RGL1: variants seen among roughly 807,000 people sequenced by gnomAD.
The protein encoded by RGL1 is ral guanine nucleotide dissociation stimulator like 1, also known as ral guanine nucleotide dissociation stimulator-like 1.
A neutral mutation model predicts 95.2 loss-of-function variants in RGL1; 24 were observed. The ratio of observed to expected loss-of-function variants is 0.25; its 90% CI spans 0.18 to 0.35. The LOEUF (loss-of-function observed/expected upper bound fraction) is 0.35, where lower values mean the gene tolerates loss of function less well. RGL1 is among the 10% of genes least tolerant of loss of function. The probability of loss-of-function intolerance (pLI) is 1.00; values close to 1 mark genes in which losing one functional copy is unlikely to be tolerated. For synonymous variants in RGL1, 329 were observed against 344.9 expected, an observed-to-expected ratio of 0.95 and a Z score of 0.51; for missense variants, 715 against 936.3, an observed-to-expected ratio of 0.76 and a Z score of 3.08.
At chr1:183,879,547 T>G (rs1417348362) in intron 4 of RGL1, among the ~76,000 whole-genome samples, 2 of 152,192 alleles carry the variant, frequency 1.3e-5, no homozygotes, top group Non-Finnish European at 2.9e-5. Context: ...AGATGAGGTG[T>G]TGTGTCTCTG....
intron 16 of RGL1, among the ~76,000 whole-genome samples, chr1:183,921,256 A>G (rs1364971011): frequency 6.6e-6 from 1 of 152,182 alleles, no homozygotes. Flanking sequence ...TTGAAGCATA[A>G]TTTGCATGTA....
upstream of RGL1, among the ~76,000 whole-genome samples, chr1:183,802,204 T>C (rs1219308920): frequency 3.9e-5 from 6 of 152,190 alleles, no homozygotes; most frequent in Non-Finnish European, 8.8e-5. Flanking sequence ...ATCTTTTCCT[T>C]GTTGTATATT....
intron 2 of RGL1, among the ~76,000 whole-genome samples, chr1:183,795,552 G>T (rs1660655352): frequency 6.6e-6 from 1 of 152,206 alleles, no homozygotes; most frequent in Non-Finnish European, 1.5e-5. Flanking sequence ...AAAGAAGACT[G>T]GGGTGGCTGG....
chr1:183,743,618 AAG>A (rs1657447393), intron 2 of RGL1, among the ~76,000 whole-genome samples: 1 of 152,224 alleles, frequency 6.6e-6, no homozygotes, highest in African/African-American at 2.4e-5. Flanking sequence ...AATATATAAA[AAG>A]AAAATGGCAA....
intron 9 of RGL1, among the ~76,000 whole-genome samples, chr1:183,893,952 C>T (rs1667556957): frequency 6.6e-6 from 1 of 152,140 alleles, no homozygotes; most frequent in South Asian, 2.1e-4. Context: ...AACAATATGC[C>T]CACTATTAGC....
In RGL1 at chr1:183,847,414, C is replaced by T. The variant is rs886125855; in HGVS notation, c.139-152C>T. ...AAGCTGCAGTGATCTGTGATCACAC[C>T]ACTGCTCTCCAGCCTGGGTAACAAA... On this transcript the variant is annotated intron_variant, in intron 2 of 17. Transcript: ENST00000360851. 10 of 697,904 alleles carry T rather than the reference C, an allele frequency of 1.4e-5. No individual in the cohort carries two copies. The Admixed American group carries it at 2.1e-4, about 15-fold the overall frequency. The allele number at this position is 697,904 out of a possible 1,614,324, so 43.2% of individuals were successfully genotyped here. A position where few individuals can be genotyped will look rare whatever the true frequency, so the allele number is the denominator to read the frequency against.
chr1:183,727,256 A>G lies in RGL1; in HGVS notation c.-32-14870A>G, dbSNP rs116958494. On this transcript the variant is annotated intron_variant, in intron 1 of 18. Coordinates refer to the RGL1 transcript ENST00000304685. The stretch of plus-strand genomic sequence containing the variant: ...TTATTGTCATAATGGGACAAAAACC[A>G]TATCATCATTTCAATAAATGCAGAA... Among the ~76,000 whole-genome samples, 339 of 152,292 alleles carry G rather than the reference A, an allele frequency of 2.2e-3. 6 individuals carry two copies. In the East Asian group the frequency reaches 0.042, roughly 19 times the overall value.
intron 2 of RGL1, among the ~76,000 whole-genome samples, chr1:183,793,659 AC>A (rs1379985926): frequency 4.6e-5 from 7 of 152,160 alleles, no homozygotes; most frequent in African/African-American, 1.7e-4. Context: ...CAATTTGCCA[AC>A]AGGTATATGA....
intron 2 of RGL1, among the ~76,000 whole-genome samples, chr1:183,809,277 G>GGA (rs2102422554): frequency 6.6e-6 from 1 of 152,278 alleles, no homozygotes; most frequent in East Asian, 1.9e-4. Context: ...ATTTTGGGGA[G>GGA]GAGAGCAAAA....
At chr1:183,677,841 G>A (rs544994142) in intron 1 of RGL1, among the ~76,000 whole-genome samples, 53 of 152,140 alleles carry the variant, frequency 3.5e-4, no homozygotes, top group Non-Finnish European at 5.1e-4. Flanking sequence ...GTAGTGAGGC[G>A]GAGAGCTGGG....
intron 2 of RGL1, among the ~76,000 whole-genome samples, chr1:183,816,368 A>G (rs1249772699): frequency 1.3e-5 from 2 of 152,202 alleles, no homozygotes; most frequent in African/African-American, 4.8e-5. Context: ...ATGTTAGTAA[A>G]TTGTTCTTGC....
At chr1:183,848,689 A>T (rs1664611246) in intron 3 of RGL1, among the ~76,000 whole-genome samples, 1 of 152,226 alleles carries the variant, frequency 6.6e-6, no homozygotes, top group African/African-American at 2.4e-5. Flanking sequence ...TTCCCCAAAT[A>T]ACATTTATTA....
intron 2 of RGL1, among the ~76,000 whole-genome samples, chr1:183,779,508 C>G (rs1659788152): frequency 1.3e-5 from 2 of 152,142 alleles, no homozygotes; most frequent in South Asian, 4.1e-4. Flanking sequence ...CTCAGCCTCC[C>G]AAAGTTGCTG....
chr1:183,723,168 T>C (rs1656110629), intron 1 of RGL1, among the ~76,000 whole-genome samples: 1 of 152,072 alleles, frequency 6.6e-6, no homozygotes, highest in African/African-American at 2.4e-5. Context: ...AGATGAATCA[T>C]TAAAAAATAA....
intron 1 of RGL1, among the ~76,000 whole-genome samples, chr1:183,739,411 A>G (rs1657150869): frequency 6.6e-6 from 1 of 152,370 alleles, no homozygotes; most frequent in South Asian, 2.1e-4. Flanking sequence ...GAGAGAGAGC[A>G]TGAACTTGGG....
At chr1:183,723,174 A>T (rs1323510489) in intron 1 of RGL1, among the ~76,000 whole-genome samples, 2 of 152,252 alleles carry the variant, frequency 1.3e-5, no homozygotes, top group African/African-American at 2.4e-5. Flanking sequence ...ATCATTAAAA[A>T]ATAAAGTATA....
intron 4 of RGL1, among the ~76,000 whole-genome samples, chr1:183,878,702 A>G (rs959472449): frequency 6.6e-5 from 10 of 152,210 alleles, no homozygotes; most frequent in Admixed American, 1.3e-4. Flanking sequence ...GATCACAGGC[A>G]TTTAAGAAGT....
rs1305807258 is a variant in RGL1 at position 183,922,128 on chromosome 1, CA to C, written c.2005-93del. ...GAGTCCGTTCTTTCTGGAAAGGCAT[CA>C]CAACACAAGACAGCAAGAATGAGAG... is the stretch of plus-strand genomic sequence containing the variant. On this transcript the variant is annotated intron_variant, in intron 16 of 17. Transcript: ENST00000360851. The C allele has an allele frequency of 3.9e-6, 4 of 1,013,258 alleles. No individual in the cohort carries two copies. The East Asian group carries it at 1.0e-4, about 26-fold the overall frequency. 62.8% of individuals were successfully genotyped at this position (1,013,258 alleles called of 1,614,324 possible). A position where few individuals can be genotyped will look rare whatever the true frequency, so the allele number is the denominator to read the frequency against.
At chr1:183,863,211 C>G (rs1665616391) in intron 3 of RGL1, among the ~76,000 whole-genome samples, 1 of 152,174 alleles carries the variant, frequency 6.6e-6, no homozygotes, top group Non-Finnish European at 1.5e-5. Flanking sequence ...GAGGTCTCTG[C>G]AGATCATTCA....
Sources: allele counts gnomAD v4.1 joint callset (sites outside exome capture counted in the v4.1 genomes callset), GRCh38; gene constraint gnomAD v4.1.1; transcripts MANE v1.5; gene names NCBI Gene and HGNC (gene_info 2026-07-23, HGNC 2026-07-21).